TPRG1: variants seen among roughly 807,000 people sequenced by gnomAD.
The protein encoded by TPRG1 is tumor protein p63 regulated 1.
A neutral mutation model predicts 29.3 loss-of-function variants in TPRG1; 29 were observed. The observed-to-expected ratio is 0.99, with a 90% CI of 0.74 to 1.35. The LOEUF is 1.35. TPRG1 is among the 40% of genes most tolerant of loss of function. The probability of loss-of-function intolerance (pLI) is 0.00; values close to 1 mark genes in which losing one functional copy is unlikely to be tolerated. For synonymous variants in TPRG1, 130 were observed against 116.8 expected, an observed-to-expected ratio of 1.11 and a Z score of -0.73; for missense variants, 327 against 335.0, an observed-to-expected ratio of 0.98 and a Z score of 0.19.
At chr3:189,206,280 T>G (rs899820574) in intron 1 of TPRG1, among the ~76,000 whole-genome samples, 6 of 151,958 alleles carry the variant, frequency 3.9e-5, no homozygotes, top group African/African-American at 1.4e-4. Flanking sequence ...ACACTCACAC[T>G]TTCAGTGATA....
chr3:189,198,599 A>G (rs1290607941), intron 1 of TPRG1, among the ~76,000 whole-genome samples: 1 of 152,246 alleles, frequency 6.6e-6, no homozygotes, highest in East Asian at 1.9e-4. Flanking sequence ...AATCTGAAGC[A>G]CTGCCAAGGA....
intron 4 of TPRG1, among the ~76,000 whole-genome samples, chr3:189,071,897 A>G (rs1716832038): frequency 6.6e-6 from 1 of 152,226 alleles, no homozygotes; most frequent in African/African-American, 2.4e-5. Context: ...ATCTCTTTAA[A>G]GTAGTCTCTG....
At chr3:189,092,660 G>A (rs971680430) in intron 4 of TPRG1, among the ~76,000 whole-genome samples, 24 of 152,130 alleles carry the variant, frequency 1.6e-4, no homozygotes, top group Admixed American at 1.6e-3. Context: ...TGGGAGCAAT[G>A]TGAGGATTCT....
At chr3:189,162,068 T>C (rs1168574121) in intron 5 of TPRG1, among the ~76,000 whole-genome samples, 3 of 152,080 alleles carry the variant, frequency 2.0e-5, no homozygotes, top group African/African-American at 4.8e-5. Flanking sequence ...TCTTGGCTCA[T>C]TGCAACCTCT....
At chr3:189,123,955 G>C (rs1288280734) in intron 1 of TPRG1, among the ~76,000 whole-genome samples, 4 of 152,234 alleles carry the variant, frequency 2.6e-5, no homozygotes, top group Non-Finnish European at 5.9e-5. Flanking sequence ...TTGCCAATTA[G>C]AGGTGGTACT....
chr3:189,265,531 A>G (rs1467800097), intron 4 of TPRG1, among the ~76,000 whole-genome samples: 2 of 152,112 alleles, frequency 1.3e-5, no homozygotes, highest in Non-Finnish European at 2.9e-5. Context: ...TCTCCTTCTC[A>G]TAGGATCCCT....
At chr3:189,100,773 C>T (rs1227321164) in intron 1 of TPRG1, among the ~76,000 whole-genome samples, 2 of 152,178 alleles carry the variant, frequency 1.3e-5, no homozygotes, top group South Asian at 2.1e-4. Context: ...TTGACCAGTT[C>T]AGACAGCGGT....
intron 3 of TPRG1, chr3:189,217,938 C>G (rs74987612): frequency 1.1e-4 from 109 of 985,248 alleles, no homozygotes; most frequent in Non-Finnish European, 1.3e-4. Context: ...AAAATCCCAA[C>G]TCCCCCAACA....
intron 5 of TPRG1, among the ~76,000 whole-genome samples, chr3:189,157,882 T>C (rs1026673077): frequency 6.6e-6 from 1 of 152,202 alleles, no homozygotes; most frequent in African/African-American, 2.4e-5. Context: ...GCCTGTCTGA[T>C]AGCACAAGAC....
intron 4 of TPRG1, among the ~76,000 whole-genome samples, chr3:189,078,134 T>TTTCC (rs1717346311): frequency 7.7e-6 from 1 of 129,350 alleles, no homozygotes; most frequent in Non-Finnish European, 1.7e-5. Flanking sequence ...TCTTTCTTTC[T>TTTCC]TTCCTTTCTT....
chr3:189,126,097 A>C (rs1443552130), intron 1 of TPRG1, among the ~76,000 whole-genome samples: 1 of 152,106 alleles, frequency 6.6e-6, no homozygotes, highest in Non-Finnish European at 1.5e-5. Context: ...ATAGATAATA[A>C]AAATCCTGGA....
At chr3:189,097,343 T>C (rs1718744897), upstream of TPRG1, among the ~76,000 whole-genome samples, 1 of 152,236 alleles carries the variant, frequency 6.6e-6, no homozygotes, top group Non-Finnish European at 1.5e-5. Flanking sequence ...TTCACTTTGT[T>C]CATTACTGAA....
chr3:189,191,061 T>A, intron 1 of TPRG1: 1 of 786,482 alleles, frequency 1.3e-6, no homozygotes, highest in Non-Finnish European at 1.5e-6. Context: ...TCAGTAGTTG[T>A]AGCAGTTCAC....
chr3:189,138,812 A>C (rs1297075331), intron 3 of TPRG1, among the ~76,000 whole-genome samples: 1 of 152,218 alleles, frequency 6.6e-6, no homozygotes, highest in Admixed American at 6.5e-5. Context: ...GGCTTTATGC[A>C]TATAAGATAG....
At chr3:189,109,453 C>T (rs1720241637) in intron 1 of TPRG1, among the ~76,000 whole-genome samples, 1 of 152,158 alleles carries the variant, frequency 6.6e-6, no homozygotes, top group Non-Finnish European at 1.5e-5. Flanking sequence ...CCCTGGCAAC[C>T]TCTGCTCCCA....
intron 5 of TPRG1, chr3:189,151,036 T>C (rs1453504384): frequency 1.3e-5 from 2 of 152,206 alleles, no homozygotes; most frequent in African/African-American, 4.8e-5. Flanking sequence ...TTGGATTTCA[T>C]TGGTTTTGTC....
At chr3:189,078,006 C>CT (rs1717293919) in intron 4 of TPRG1, among the ~76,000 whole-genome samples, 1 of 123,266 alleles carries the variant, frequency 8.1e-6, no homozygotes, top group Admixed American at 8.2e-5. Flanking sequence ...TCCTAAAAAC[C>CT]TTTTCCTTCC....
chr3:189,237,296 C>G (rs919715418), intron 3 of TPRG1, among the ~76,000 whole-genome samples: 1 of 151,908 alleles, frequency 6.6e-6, no homozygotes, highest in African/African-American at 2.4e-5. Context: ...TGCACACACA[C>G]GCACACACAC....
intron 3 of TPRG1, among the ~76,000 whole-genome samples, chr3:189,220,376 T>C (rs1393979908): frequency 6.6e-6 from 1 of 152,194 alleles, no homozygotes; most frequent in Non-Finnish European, 1.5e-5. Flanking sequence ...ACTTATAAAA[T>C]GCACCAAATG....
Sources: allele counts gnomAD v4.1 joint callset (sites outside exome capture counted in the v4.1 genomes callset), GRCh38; gene constraint gnomAD v4.1.1; transcripts MANE v1.5; gene names NCBI Gene and HGNC (gene_info 2026-07-23, HGNC 2026-07-21).